ARPC5: variants seen among roughly 807,000 people sequenced by gnomAD.
ARPC5 encodes actin related protein 2/3 complex subunit 5.
In ARPC5, 5 loss-of-function variants were observed where a neutral mutation model predicts 15.4. The observed-to-expected ratio is 0.32, with a 90% confidence interval of 0.17 to 0.68. The LOEUF (loss-of-function observed/expected upper bound fraction) is 0.68, where lower values mean the gene tolerates loss of function less well. Among genes scored for constraint, ARPC5 ranks in the 30% least tolerant of loss-of-function variants. The pLI is 0.71. For missense variants in ARPC5, 138 were observed against 192.8 expected (o/e 0.72, Z 1.68); for synonymous variants, 85 against 72.2 (o/e 1.18, Z -0.90).
Position 183,623,220 on chromosome 1 carries a change from G to A in ARPC5, c.*4312C>T. 1.7e-6 allele frequency: 1 copy of A among 589,046 alleles called. No homozygotes were observed. 36.5% of individuals were successfully genotyped at this position (589,046 alleles called of 1,614,324 possible). A position where few individuals can be genotyped will look rare whatever the true frequency, so the allele number is the denominator to read the frequency against. ...CTACTCAATTTGTGTTTCATGTGGT[G>A]TGGATTCTAGGGAACTGTTTCAGAG... On this transcript the variant is annotated 3_prime_UTR_variant, in exon 4 of 4. Transcript: ENST00000359856.
intron 2 of ARPC5, chr1:183,632,878 C>A (rs1558122724): frequency 4.9e-6 from 2 of 408,238 alleles, no homozygotes; most frequent in Non-Finnish European, 8.7e-6. Context: ...TTTGAACTTA[C>A]TGTATCTTAC....
At chr1:183,627,925 G>A (rs1377743989) in intron 3 of ARPC5, among the ~76,000 whole-genome samples, 1 of 152,052 alleles carries the variant, frequency 6.6e-6, no homozygotes, top group Non-Finnish European at 1.5e-5. Context: ...TGTAATCCCA[G>A]CACTTTGGGA....
At position 183,623,285 on chromosome 1, in the gene ARPC5, ACT is replaced by A; in HGVS notation, c.*4245_*4246del. On this transcript the variant is annotated 3_prime_UTR_variant, in exon 4 of 4. Coordinates refer to ENST00000359856, the MANE Select transcript of ARPC5 (RefSeq NM_005717.4). Reference sequence around the variant, plus strand: ...TAAACATAGATTATTTATGTTGATTACTCTTACACACTCAAGTAACAGAAATG... The same window carrying A: ...TAAACATAGATTATTTATGTTGATTACTTACACACTCAAGTAACAGAAATG... The A allele has an allele frequency of 1.3e-6, 1 of 758,844 alleles. No individual in the cohort carries two copies. The allele number at this position is 758,844 out of a possible 1,614,324, so 47.0% of individuals were successfully genotyped here. A position where few individuals can be genotyped will look rare whatever the true frequency, so the allele number is the denominator to read the frequency against.
chr1:183,631,896 T>C (rs980716789), intron 2 of ARPC5: 1 of 152,220 alleles, frequency 6.6e-6, no homozygotes, highest in African/African-American at 2.4e-5. Flanking sequence ...TCTCCTTCCA[T>C]TCAACACAAA....
Position 183,633,066 on chromosome 1 carries a change from G to C in ARPC5, c.216+16C>G, listed in dbSNP as rs1325516113. 1 of 1,581,326 alleles carries C rather than the reference G, an allele frequency of 6.3e-7. No individual in the cohort carries two copies. On this transcript the variant is annotated intron_variant, in intron 2 of 3. Coordinates refer to ENST00000359856, the MANE Select transcript of ARPC5 (RefSeq NM_005717.4). ...AGATATCAGCAGAGATCACTGTGTT[G>C]TAGTCTGCGACTCACCTTCACTGCC...
In ARPC5 at chr1:183,629,319, G is replaced by A. The variant is rs185146126; in HGVS notation, c.393+1142C>T. 6.7e-4 allele frequency among the ~76,000 whole-genome samples: 102 copies of A among 152,270 alleles called. 1 individual carries two copies. Among genetic ancestry groups the A allele is most frequent in the African/African-American group, 2.4e-3 (99 of 41,530 alleles). On this transcript the variant is annotated intron_variant, in intron 3 of 3. Transcript: ENST00000359856. ...AAAGCTAGCTTTTCATCTGTAAATT[G>A]AGGATGATAAAGATATTTATATACT... is the stretch of plus-strand genomic sequence containing the variant.
intron 3 of ARPC5, 74 bp from the exon 4 acceptor site, chr1:183,627,668 C>T: frequency 7.8e-7 from 1 of 1,285,432 alleles, no homozygotes; most frequent in Non-Finnish European, 1.1e-6. Flanking sequence ...AAACATTTTT[C>T]TTAAAGAAGG....
chr1:183,631,442 T>C (rs1649262354), intron 2 of ARPC5: 2 of 151,786 alleles, frequency 1.3e-5, no homozygotes. Context: ...TATCCAGGCA[T>C]GGTGGTGTGT....
intron 3 of ARPC5, among the ~76,000 whole-genome samples, chr1:183,628,822 GA>G (rs1188497141): frequency 6.6e-6 from 1 of 152,240 alleles, no homozygotes; most frequent in Non-Finnish European, 1.5e-5. Context: ...GCTATAGCCT[GA>G]GGGGAAGAAT....
intron 1 of ARPC5, among the ~76,000 whole-genome samples, chr1:183,634,905 CTTCTTCTTCTT>C (rs1558123725): frequency 7.2e-5 from 9 of 124,740 alleles, no homozygotes; most frequent in African/African-American, 3.4e-4. Context: ...AAATCCCCTT[CTTCTTCTTCTT>C]TTTTTTTTTT....
At position 183,624,544 on chromosome 1, in the gene ARPC5, CAAAACAAAAA is replaced by C. The variant is rs1443110239; in HGVS notation, c.*2978_*2987del. The C allele has an allele frequency of 2.0e-4, 31 of 151,718 alleles. No homozygotes were observed. The highest frequency in any genetic ancestry group is 7.5e-4 in the African/African-American group (31 of 41,210). The allele number at this position is 151,718 out of a possible 1,614,324, so 9.4% of individuals were successfully genotyped here. On this transcript the variant is annotated 3_prime_UTR_variant, in exon 4 of 4. Coordinates refer to ENST00000359856, the MANE Select transcript of ARPC5 (RefSeq NM_005717.4). Reference sequence around the variant, plus strand: ...CAAAACAAAACAAAACAAAACAAAACAAAACAAAAAACATTAAAACTGCAAGAACAGTGAC... The same window carrying C: ...CAAAACAAAACAAAACAAAACAAAACACATTAAAACTGCAAGAACAGTGAC...
chr1:183,621,281 A>C lies in ARPC5; in HGVS notation c.*6251T>G, dbSNP rs934219805. On this transcript the variant is annotated 3_prime_UTR_variant, in exon 4 of 4. Coordinates refer to ENST00000359856, the MANE Select transcript of ARPC5 (RefSeq NM_005717.4). ...ACTGACCTTAACTTTCACTTTTAGG[A>C]ATTGATCTACAAATAGGCTTGAACA... 4.6e-5 allele frequency: 7 copies of C among 152,224 alleles called. No individual in the cohort carries two copies. Among genetic ancestry groups the C allele is most frequent in the African/African-American group, 7.2e-5 (3 of 41,466 alleles). 9.4% of individuals were successfully genotyped at this position (152,224 alleles called of 1,614,324 possible).
intron 3 of ARPC5, among the ~76,000 whole-genome samples, chr1:183,629,835 C>G (rs1046072951): frequency 5.9e-5 from 9 of 152,138 alleles, no homozygotes; most frequent in Non-Finnish European, 2.9e-5. Context: ...GTTTCCAAAA[C>G]TTTTTTACCA....
chr1:183,635,554 C>A lies in ARPC5; in HGVS notation c.106G>T (p.Gly36Trp). The A allele has an allele frequency of 6.2e-7, 1 of 1,613,182 alleles. No homozygotes were observed. Residue 36 changes from glycine to tryptophan, a missense_variant, in exon 1 of 4, where the codon GGG becomes TGG. Physicochemically the swap from Gly to Trp is radical, Grantham distance 184. This residue lies in a region of ARPC5 where 121 missense variants were observed against 153.7 expected (regional missense o/e 0.79). Transcript: ENST00000359856. ...GAGTCCACCTCGCCCTCGTCGGGCC[C>A]GGCCTGGCCGTCGCCCCCATCTTCT... ...DEEDGGDGQA[G>W]PDEGEVDSCL... is the part of the protein sequence containing the mutation.
Position 183,633,111 on chromosome 1 carries a change from G to C in ARPC5, c.187C>G (p.Pro63Ala), listed in dbSNP as rs1234837772. Residue 63 changes from proline (P) to alanine (A), a missense_variant, in exon 2 of 4, where the codon CCT (proline) becomes GCT (alanine). Physicochemically the swap from Pro to Ala is conservative, Grantham distance 27 (BLOSUM62 -1). Coordinates refer to ENST00000359856, the MANE Select transcript of ARPC5 (RefSeq NM_005717.4). Reference protein sequence around the residue: ...AALQAALKNPPINTKSQAVKD... With the variant: ...AALQAALKNPAINTKSQAVKD... ...ACTGCCTGACTCTTGGTGTTGATAG[G>C]GGGGTTCTTCAGAGCTGCCTGTAGG... 6.2e-7 allele frequency: 1 copy of C among 1,604,828 alleles called. No individual in the cohort carries two copies. Among genetic ancestry groups the C allele is most frequent in the Non-Finnish European group, 8.5e-7 (1 of 1,176,306 alleles).
rs7517163 is a variant in ARPC5 at position 183,625,737 on chromosome 1, C to A, written c.*1795G>T. ...CTCTAAGTAATATTTAAGAATAATA[C>A]CTATTGCTTAGCTTATCTTCACCCA... On this transcript the variant is annotated 3_prime_UTR_variant, in exon 4 of 4. Transcript: ENST00000359856. 12,029 of 152,214 alleles carry A rather than the reference C, an allele frequency of 0.079. 923 individuals carry two copies. Among genetic ancestry groups the A allele is most frequent in the African/African-American group, 0.2 (8,289 of 41,484 alleles). The allele number at this position is 152,214 out of a possible 1,614,324, so 9.4% of individuals were successfully genotyped here.
Position 183,622,411 on chromosome 1 carries a change from G to C in ARPC5, c.*5121C>G, listed in dbSNP as rs1648965112. ...AAAATCTTAGTTGCCCTGGCATCTT[G>C]ATTCAATTTTTGGAGAAACAAAAGG... On this transcript the variant is annotated 3_prime_UTR_variant, in exon 4 of 4. Transcript: ENST00000359856. 6.6e-6 allele frequency: 1 copy of C among 152,168 alleles called. No homozygotes were observed. The highest frequency in any genetic ancestry group is 1.5e-5 in the Non-Finnish European group (1 of 68,028). 9.4% of individuals were successfully genotyped at this position (152,168 alleles called of 1,614,324 possible).
At chr1:183,634,930 T>TA (rs72182011) in intron 1 of ARPC5, among the ~76,000 whole-genome samples, 5 of 136,668 alleles carry the variant, frequency 3.7e-5, no homozygotes, top group African/African-American at 1.0e-4. Context: ...TTTTTTTTTT[T>TA]AAAAAGGCCA....
Position 183,622,523 on chromosome 1 carries a change from T to A in ARPC5, c.*5009A>T. 1 of 152,182 alleles carries A rather than the reference T, an allele frequency of 6.6e-6. No individual in the cohort carries two copies. Among genetic ancestry groups the A allele is most frequent in the East Asian group, 1.9e-4 (1 of 5,194 alleles). 9.4% of individuals were successfully genotyped at this position (152,182 alleles called of 1,614,324 possible). On this transcript the variant is annotated 3_prime_UTR_variant, in exon 4 of 4. Coordinates refer to ENST00000359856, the MANE Select transcript of ARPC5 (RefSeq NM_005717.4). ...GAATTAGAAAAATCTACGTATAAAG[T>A]CAAGGACGGTGATATAAATTCATGG...
Sources: gnomAD v4.1 joint callset for allele counts (sites outside exome capture counted in the v4.1 genomes callset) on GRCh38, gnomAD v4.1.1 for gene constraint, gnomAD v4.1.1 regional missense constraint, MANE v1.5 for transcripts, NCBI Gene and HGNC (gene_info 2026-07-23, HGNC 2026-07-21) for gene names.